The following CSMD1 variants were observed in gnomAD, a reference collection of about 807,000 sequenced individuals.
The protein encoded by CSMD1 is CUB and Sushi multiple domains 1.
Under a neutral mutation model 417.5 loss-of-function variants are expected in CSMD1, and 213 were observed. The ratio of observed to expected loss-of-function variants is 0.51; its 90% CI spans 0.46 to 0.57. The LOEUF is 0.57. Ranked by LOEUF, CSMD1 falls within the 20% of genes least tolerant of loss-of-function variation. The probability of loss-of-function intolerance (pLI) is 0.00; values close to 1 mark genes in which losing one functional copy is unlikely to be tolerated. For missense variants in CSMD1, 6,923 were observed against 4,529.7 expected, an observed-to-expected ratio of 1.53 and a Z score of -15.17; for synonymous variants, 2,862 against 1,736.8, an observed-to-expected ratio of 1.65 and a Z score of -16.11.
chr8:3,286,084 T>C (rs550722492), intron 25 of CSMD1, among the ~76,000 whole-genome samples: 1 of 152,086 alleles, frequency 6.6e-6, no homozygotes, highest in Non-Finnish European at 1.5e-5. Flanking sequence ...GCGTTTGGTT[T>C]TTTGTCCTTG....
intron 41 of CSMD1, among the ~76,000 whole-genome samples, chr8:3,129,698 G>A (rs1338025440): frequency 6.7e-6 from 1 of 148,812 alleles, no homozygotes; most frequent in African/African-American, 2.5e-5. Context: ...AAAAAAAACT[G>A]TGGAGCTGGG....
At chr8:4,893,634 T>A (rs1430733872) in intron 1 of CSMD1, among the ~76,000 whole-genome samples, 1 of 152,170 alleles carries the variant, frequency 6.6e-6, no homozygotes, top group East Asian at 1.9e-4. Context: ...AATTTGCCAA[T>A]ACATTTTATG....
intron 10 of CSMD1, among the ~76,000 whole-genome samples, chr8:3,543,062 G>C (rs1436567252): frequency 1.3e-5 from 2 of 152,176 alleles, no homozygotes; most frequent in African/African-American, 4.8e-5. Context: ...GCTCAGACAA[G>C]TTGACAACCA....
chr8:3,680,522 C>T (rs959320721), intron 7 of CSMD1, among the ~76,000 whole-genome samples: 3 of 152,050 alleles, frequency 2.0e-5, no homozygotes, highest in African/African-American at 7.2e-5. Context: ...CAATAACAGG[C>T]TCTGAAATTG....
intron 52 of CSMD1, among the ~76,000 whole-genome samples, chr8:3,013,116 G>C (rs1423569008): frequency 6.6e-6 from 1 of 152,132 alleles, no homozygotes; most frequent in East Asian, 1.9e-4. Context: ...CCAGGCTCAG[G>C]TATGTCTTTC....
intron 5 of CSMD1, among the ~76,000 whole-genome samples, chr8:3,925,163 C>G (rs911217938): frequency 1.3e-5 from 2 of 152,162 alleles, no homozygotes; most frequent in African/African-American, 2.4e-5. Context: ...CAAATCCTGA[C>G]CCATAGAAAT....
intron 26 of CSMD1, among the ~76,000 whole-genome samples, chr8:3,245,973 G>A (rs181332502): frequency 6.6e-6 from 1 of 152,202 alleles, no homozygotes; most frequent in African/African-American, 2.4e-5. Context: ...TTACTTTTGT[G>A]GAGAGGTTTT....
At chr8:4,384,085 G>A (rs1239090701) in intron 3 of CSMD1, among the ~76,000 whole-genome samples, 2 of 152,020 alleles carry the variant, frequency 1.3e-5, no homozygotes, top group African/African-American at 4.8e-5. Flanking sequence ...AGATGGAATG[G>A]TGTTCCTGTC....
rs1212034435 is a variant in CSMD1 at position 3,384,749 on chromosome 8, T to TA, written c.2782+2744_2782+2745insT. Among the ~76,000 whole-genome samples the TA allele has an allele frequency of 8.1e-4, 102 of 126,182 alleles. No homozygotes were observed. In the South Asian group the frequency reaches 0.013, roughly 16 times the overall value. 82.8% of individuals were successfully genotyped at this position (126,182 alleles called of 152,430 possible). A position where few individuals can be genotyped will look rare whatever the true frequency, so the allele number is the denominator to read the frequency against. On this transcript the variant is annotated intron_variant, in intron 18 of 69. Transcript: ENST00000635120. ...TTTATATATATTATATAAATATATA[T>TA]TTATATAAATTATATAAATATATAT...
intron 4 of CSMD1, among the ~76,000 whole-genome samples, chr8:4,007,970 A>G (rs772713102): frequency 1.3e-5 from 2 of 152,210 alleles, no homozygotes; most frequent in African/African-American, 4.8e-5. Context: ...ATAAAAATTA[A>G]TTACCAAAAA....
chr8:3,730,681 C>A (rs1472455276), intron 6 of CSMD1, among the ~76,000 whole-genome samples: 1 of 152,144 alleles, frequency 6.6e-6, no homozygotes, highest in East Asian at 1.9e-4. Context: ...ATTTACTAAC[C>A]TCACCAAAAG....
intron 4 of CSMD1, among the ~76,000 whole-genome samples, chr8:4,027,713 G>T (rs538057615): frequency 6.6e-6 from 1 of 152,190 alleles, no homozygotes; most frequent in African/African-American, 2.4e-5. Flanking sequence ...TTAGACATGG[G>T]GGCCCATTGA....
At chr8:4,728,133 C>G (rs1018638410) in intron 1 of CSMD1, among the ~76,000 whole-genome samples, 12 of 146,224 alleles carry the variant, frequency 8.2e-5, no homozygotes, top group Non-Finnish European at 1.8e-4. Flanking sequence ...GACATAAGAT[C>G]ATACCTATAT....
intron 5 of CSMD1, among the ~76,000 whole-genome samples, chr8:3,808,216 T>C (rs1255634899): frequency 6.6e-6 from 1 of 152,192 alleles, no homozygotes; most frequent in Non-Finnish European, 1.5e-5. Flanking sequence ...TGATCTAAAA[T>C]ATACTAAGAG....
At chr8:4,785,717 T>A (rs568998818) in intron 1 of CSMD1, among the ~76,000 whole-genome samples, 1 of 152,222 alleles carries the variant, frequency 6.6e-6, no homozygotes, top group Admixed American at 6.5e-5. Flanking sequence ...TCACCCTTTA[T>A]AATAGAGCAC....
chr8:3,629,538 T>C (rs1796671121), intron 7 of CSMD1, among the ~76,000 whole-genome samples: 1 of 152,210 alleles, frequency 6.6e-6, no homozygotes, highest in Non-Finnish European at 1.5e-5. Context: ...CAGCTCCTCA[T>C]CTTTTTCTCC....
chr8:3,817,049 A>C, intron 5 of CSMD1, among the ~76,000 whole-genome samples: 1 of 152,070 alleles, frequency 6.6e-6, no homozygotes, highest in East Asian at 1.9e-4. Flanking sequence ...CAAGAGAGAA[A>C]GAAACAGGGT....
intron 5 of CSMD1, among the ~76,000 whole-genome samples, chr8:3,993,640 G>C (rs777484838): frequency 1.3e-5 from 2 of 152,174 alleles, no homozygotes; most frequent in Non-Finnish European, 2.9e-5. Context: ...AAAGGGTCAA[G>C]TTATGCTGGT....
intron 50 of CSMD1, among the ~76,000 whole-genome samples, chr8:3,049,175 G>A (rs550247751): frequency 6.6e-6 from 1 of 152,170 alleles, no homozygotes; most frequent in South Asian, 2.1e-4. Context: ...TAGTCTGATG[G>A]TTTCTTAAAA....
Sources: allele counts gnomAD v4.1 joint callset (sites outside exome capture counted in the v4.1 genomes callset), GRCh38; gene constraint gnomAD v4.1.1; transcripts MANE v1.5; gene names NCBI Gene and HGNC (gene_info 2026-07-23, HGNC 2026-07-21).